The following LILRB1 variants were observed in gnomAD, a reference collection of about 807,000 sequenced individuals.
LILRB1 encodes the protein leukocyte immunoglobulin-like receptor subfamily B member 1.
Under a neutral mutation model 74.6 loss-of-function variants are expected in LILRB1, and 59 were observed. The ratio of observed to expected loss-of-function variants is 0.79; its 90% CI spans 0.64 to 0.98. The LOEUF (loss-of-function observed/expected upper bound fraction) is 0.98, where lower values mean the gene tolerates loss of function less well. LILRB1 is among the 50% of genes least tolerant of loss of function. The pLI, the probability that LILRB1 is intolerant of heterozygous loss-of-function variation, is 0.00. For synonymous variants in LILRB1, 328 were observed against 333.9 expected (o/e 0.98, Z 0.19); for missense variants, 804 against 822.6 (o/e 0.98, Z 0.28).
Position 54,632,121 on chromosome 19 carries a change from T to C in LILRB1, c.545T>C (p.Phe182Ser). 6.2e-7 allele frequency: 1 copy of C among 1,614,202 alleles called. No homozygotes were observed. Among genetic ancestry groups the C allele is most frequent in the Non-Finnish European group, 8.5e-7 (1 of 1,180,010 alleles). Residue 182 changes from phenylalanine (F) to serine (S), a missense_variant, in exon 5 of 15, where the codon TTC becomes TCC. By Grantham distance (155) the Phe-to-Ser change is radical. Transcript: ENST00000324602. ...GCCCGTGGGTCGTCCCGCGCCATCT[T>C]CTCCGTGGGCCCCGTGAGCCCGAGT... is the stretch of plus-strand genomic sequence containing the variant. Reference protein sequence around the residue: ...PHARGSSRAIFSVGPVSPSRR... With the variant: ...PHARGSSRAISSVGPVSPSRR...
chr19:54,633,858 G>C, intron 8 of LILRB1, 113 bp from the exon 9 acceptor site: 2 of 1,470,414 alleles, frequency 1.4e-6, no homozygotes, highest in Non-Finnish European at 1.8e-6. Context: ...GGGCTGGTGA[G>C]GGGTGGGGGG....
chr19:54,628,871 C>T (rs572413187), upstream of LILRB1, among the ~76,000 whole-genome samples: 2 of 152,294 alleles, frequency 1.3e-5, no homozygotes, highest in African/African-American at 2.4e-5. Context: ...AGGAGGAGGT[C>T]AGAGGCCTCC....
chr19:54,619,127 T>C (rs2146145374), intron 1 of LILRB1, among the ~76,000 whole-genome samples: 1 of 152,136 alleles, frequency 6.6e-6, no homozygotes, highest in South Asian at 2.1e-4. Context: ...AAACAGGAAA[T>C]AAGAGATGTA....
intron 1 of LILRB1, among the ~76,000 whole-genome samples, chr19:54,623,679 A>G (rs1234784419): frequency 6.6e-6 from 1 of 151,992 alleles, no homozygotes; most frequent in African/African-American, 2.4e-5. Context: ...CAGAGTTTCC[A>G]TTGTTTTCAG....
rs762570174 is a variant in LILRB1 at position 54,634,012 on chromosome 19, C to T, written c.1354C>T (p.Pro452Ser). ...DQPLTPTGSD[P>S]QSGLGRHLGV... ...GCCCCTCACCCCCACCGGGTCGGAT[C>T]CCCAGAGTGGTGAGTGACGGGCTCT... is the stretch of plus-strand genomic sequence containing the variant. Residue 452 changes from proline (P) to serine (S), a missense_variant, in exon 9 of 15, where the codon CCC becomes TCC. Pro to Ser is a moderately conservative substitution (Grantham distance 74). Transcript: ENST00000324602. The T allele has an allele frequency of 2.5e-6, 4 of 1,598,324 alleles. No homozygotes were observed. The highest frequency in any genetic ancestry group is 3.4e-6 in the Non-Finnish European group (4 of 1,172,456).
chr19:54,632,978 A>G (rs756106620), intron 6 of LILRB1, 38 bp from the exon 7 acceptor site: 1 of 1,598,032 alleles, frequency 6.3e-7, no homozygotes, highest in South Asian at 1.1e-5. Flanking sequence ...GCTCAGAGCA[A>G]GGTGGGGCAG....
intron 10 of LILRB1, 134 bp from the exon 11 acceptor site, chr19:54,634,970 C>T (rs935904851): frequency 1.1e-5 from 16 of 1,451,186 alleles, no homozygotes; most frequent in Non-Finnish European, 1.4e-5. Flanking sequence ...CCTTCGGGCT[C>T]TGTCCATCCT....
At position 54,631,108 on chromosome 19, in the gene LILRB1, G is replaced by A. The variant is rs1027681751; in HGVS notation, c.34+1G>A. 1 of 1,614,188 alleles carries A rather than the reference G, an allele frequency of 6.2e-7. No individual in the cohort carries two copies. The highest frequency in any genetic ancestry group is 8.5e-7 in the Non-Finnish European group (1 of 1,180,012). ...ATCCTCACGGTCCTGATCTGTCTCG[G>A]TGAGATTTGAAGAAGGAGGGGAGCT... On this transcript the variant is annotated splice_donor_variant, in intron 2 of 14. Coordinates refer to ENST00000324602, the MANE Select transcript of LILRB1 (RefSeq NM_001081637.3). LOFTEE classifies it high-confidence loss of function.
Position 54,632,618 on chromosome 19 carries a change from GC to G in LILRB1, c.820del (p.Gln274ArgfsTer14). On this transcript the variant is annotated frameshift_variant, in exon 6 of 15. Coordinates refer to ENST00000324602, the MANE Select transcript of LILRB1 (RefSeq NM_001081637.3). LOFTEE classifies it high-confidence loss of function. ...ACTTCCTTCAGCTCGCTGGCGCACA[GC>G]CCCAGGCTGGGCTCTCCCAGGCCAA... is the stretch of plus-strand genomic sequence containing the variant. The part of the protein sequence containing the change: ...RDFLQLAGAQ[P>X]QAGLSQANFT... 2 of 1,614,106 alleles carry G rather than the reference GC, an allele frequency of 1.2e-6. No individual in the cohort carries two copies. Among genetic ancestry groups the G allele is most frequent in the Non-Finnish European group, 1.7e-6 (2 of 1,180,012 alleles).
At chr19:54,628,899 C>T (rs1342041801), upstream of LILRB1, among the ~76,000 whole-genome samples, 1 of 152,170 alleles carries the variant, frequency 6.6e-6, no homozygotes, top group Non-Finnish European at 1.5e-5. Flanking sequence ...CCTAACACAG[C>T]CAATGTTATA....
chr19:54,635,243 C>G lies in LILRB1; in HGVS notation c.1563-16C>G. 6.2e-7 allele frequency: 1 copy of G among 1,612,308 alleles called. No homozygotes were observed. Among genetic ancestry groups the G allele is most frequent in the East Asian group, 2.2e-5 (1 of 44,886 alleles). ...TGGCCCATACACTGCCCCTAAAGCT[C>G]CCATTCTTCCCCCAGGTCCAGCCCA... On this transcript the variant is annotated splice_polypyrimidine_tract_variant and intron_variant, in intron 11 of 14. Coordinates refer to ENST00000324602, the MANE Select transcript of LILRB1 (RefSeq NM_001081637.3).
rs2064562445 is a variant in LILRB1, at chr19:54,637,911, T to C, written c.*1033T>C. On this transcript the variant is annotated 3_prime_UTR_variant, in exon 15 of 15. Transcript: ENST00000324602. ...ATATTCTAAACTGGAGTTTACATAA[T>C]GAACATAAGAGTAATCAGAGAATCT... Among the ~76,000 whole-genome samples, 1 of 152,202 alleles carries C rather than the reference T, an allele frequency of 6.6e-6. No individual in the cohort carries two copies. The highest frequency in any genetic ancestry group is 1.5e-5 in the Non-Finnish European group (1 of 68,048).
At chr19:54,626,599 G>A (rs759441558), upstream of LILRB1, among the ~76,000 whole-genome samples, 1 of 116,920 alleles carries the variant, frequency 8.6e-6, no homozygotes, top group Non-Finnish European at 2.1e-5. Context: ...CATTTCAGCT[G>A]TGTCTTGTTC....
chr19:54,629,090 C>A (rs2063680417), upstream of LILRB1, among the ~76,000 whole-genome samples: 1 of 152,204 alleles, frequency 6.6e-6, no homozygotes, highest in South Asian at 2.1e-4. Context: ...AACCCTGGAG[C>A]AACGCAGCCT....
chr19:54,635,922 C>T (rs1411630259), intron 13 of LILRB1: 2 of 607,994 alleles, frequency 3.3e-6, no homozygotes, highest in South Asian at 3.0e-5. Context: ...TTCATTCATT[C>T]AACCAGCAAG....
chr19:54,617,054 T>A (rs1336129150), upstream of LILRB1: 10 of 151,976 alleles, frequency 6.6e-5, no homozygotes, highest in Admixed American at 5.9e-4. Context: ...AGGGAAGAAA[T>A]GACTCAGTGG....
Position 54,636,658 on chromosome 19 carries a change from T to C in LILRB1, c.1812+6T>C. Reference sequence around the variant, plus strand: ...ACAGGCAGATGGACACTGAGGTGAGTCCTTTCCTCTCCAGGCCCCCAGGCC... The same window carrying C: ...ACAGGCAGATGGACACTGAGGTGAGCCCTTTCCTCTCCAGGCCCCCAGGCC... On this transcript the variant is annotated splice_donor_region_variant and intron_variant, in intron 14 of 14. Coordinates refer to ENST00000324602, the MANE Select transcript of LILRB1 (RefSeq NM_001081637.3). 3.1e-6 allele frequency: 5 copies of C among 1,607,700 alleles called. No homozygotes were observed. The highest frequency in any genetic ancestry group is 4.2e-6 in the Non-Finnish European group (5 of 1,177,746).
chr19:54,625,237 C>G (rs1254527828), intron 1 of LILRB1, among the ~76,000 whole-genome samples: 3 of 147,534 alleles, frequency 2.0e-5, no homozygotes, highest in Non-Finnish European at 4.5e-5. Flanking sequence ...GCTGGCAAGC[C>G]CCATTAGCAG....
chr19:54,631,535 G>A lies in LILRB1; in HGVS notation c.106G>A (p.Gly36Ser). ...LPKPTLWAEP[G>S]SVITQGSPVT... is the part of the protein sequence containing the mutation. ...CAAGCCCACCCTCTGGGCTGAACCA[G>A]GCTCTGTGATCACCCAGGGGAGTCC... is the stretch of plus-strand genomic sequence containing the variant. The change falls in exon 4 of 15, where the codon GGC (glycine) becomes AGC (serine). Residue 36 changes from glycine to serine, a missense_variant. Transcript: ENST00000324602. The A allele has an allele frequency of 6.2e-7, 1 of 1,613,946 alleles. No individual in the cohort carries two copies. The highest frequency in any genetic ancestry group is 8.5e-7 in the Non-Finnish European group (1 of 1,179,904).
Sources: allele counts gnomAD v4.1 joint callset (sites outside exome capture counted in the v4.1 genomes callset), GRCh38; gene constraint gnomAD v4.1.1; transcripts MANE v1.5; gene names NCBI Gene and HGNC (gene_info 2026-07-23, HGNC 2026-07-21).